TNRC6B: variants seen among roughly 807,000 people sequenced by gnomAD.
TNRC6B encodes trinucleotide repeat-containing gene 6B protein.
In TNRC6B, 52 loss-of-function variants were observed where a neutral mutation model predicts 203.6. That is an observed-to-expected ratio of 0.26 (90% CI 0.20 to 0.32). The LOEUF (loss-of-function observed/expected upper bound fraction) is 0.32. TNRC6B is among the 10% of genes least tolerant of loss of function. TNRC6B has a pLI of 1.00. For missense variants in TNRC6B, 1,923 were observed against 2,286.2 expected (o/e 0.84, Z 3.24); for synonymous variants, 838 against 845.7 (o/e 0.99, Z 0.16).
intron 1 of TNRC6B, among the ~76,000 whole-genome samples, chr22:40,217,511 G>A (rs925585528): frequency 1.3e-5 from 2 of 152,104 alleles, no homozygotes; most frequent in African/African-American, 4.8e-5. Context: ...TGTTGGGAAG[G>A]GACAAACAAT....
intron 1 of TNRC6B, among the ~76,000 whole-genome samples, chr22:40,214,787 C>T (rs1225153433): frequency 6.6e-6 from 1 of 152,178 alleles, no homozygotes; most frequent in African/African-American, 2.4e-5. Flanking sequence ...CTCTTGGCCT[C>T]AAGCGATCCT....
chr22:40,161,732 G>A (rs2068872877), intron 4 of TNRC6B, among the ~76,000 whole-genome samples: 1 of 152,188 alleles, frequency 6.6e-6, no homozygotes, highest in African/African-American at 2.4e-5. Context: ...AACACTTTAT[G>A]TGTATTGTTT....
At chr22:40,086,012 A>G (rs916368619) in intron 1 of TNRC6B, among the ~76,000 whole-genome samples, 20 of 152,066 alleles carry the variant, frequency 1.3e-4, no homozygotes, top group African/African-American at 3.6e-4. Flanking sequence ...CTGGTACCAC[A>G]GGTGCACACC....
In TNRC6B at chr22:40,244,465, CT is replaced by C. The variant is rs77260733; in HGVS notation, c.6-1537del. Among the ~76,000 whole-genome samples, 1,028 of 143,938 alleles carry C rather than the reference CT, an allele frequency of 7.1e-3. 5 individuals are homozygous for C. Among genetic ancestry groups the C allele is most frequent in the African/African-American group, 0.014 (535 of 39,488 alleles). 94.4% of individuals were successfully genotyped at this position (143,938 alleles called of 152,430 possible). On this transcript the variant is annotated intron_variant, in intron 1 of 22. Coordinates refer to ENST00000454349, the MANE Select transcript of TNRC6B (RefSeq NM_001162501.2). Reference sequence around the variant, plus strand: ...ATGTAGGTAAAAAAGTTTTTTAAGTCTTTTTTTTTTTTTCTATAAATAAGAC... The same window carrying C: ...ATGTAGGTAAAAAAGTTTTTTAAGTCTTTTTTTTTTTTCTATAAATAAGAC...
At chr22:40,145,687 C>A (rs180849458) in intron 3 of TNRC6B, among the ~76,000 whole-genome samples, 28 of 151,932 alleles carry the variant, frequency 1.8e-4, no homozygotes, top group Non-Finnish European at 3.2e-4. Context: ...ACTAAAAATA[C>A]AAAAATTAGC....
At position 40,329,605 on chromosome 22, in the gene TNRC6B, C is replaced by A. The variant is rs1280878199; in HGVS notation, c.*6364C>A. On this transcript the variant is annotated 3_prime_UTR_variant, in exon 23 of 23. Transcript: ENST00000454349. The stretch of plus-strand genomic sequence containing the variant: ...ACCCCATGCCTCTGAAGAAAGAGGC[C>A]ATGAACCTACGAGGTGGTAAAGGGG... The A allele has an allele frequency of 2.0e-5, 3 of 152,090 alleles. No homozygotes were observed. Among genetic ancestry groups the A allele is most frequent in the Non-Finnish European group, 4.4e-5 (3 of 68,046 alleles). 9.4% of individuals were successfully genotyped at this position (152,090 alleles called of 1,614,324 possible). A position where few individuals can be genotyped will look rare whatever the true frequency, so the allele number is the denominator to read the frequency against.
At chr22:40,127,860 G>C (rs6001782) in intron 3 of TNRC6B, among the ~76,000 whole-genome samples, 2,323 of 152,186 alleles carry the variant, frequency 0.015, 55 homozygotes, top group African/African-American at 0.053. Context: ...AGCAAAGCCA[G>C]ACCCTGCCTC....
chr22:40,243,670 C>T lies in TNRC6B; in HGVS notation c.6-2345C>T, dbSNP rs571547078. ...TGTGATCTTGGTTGACTACAACCTC[C>T]GCCTCCCAGGTTCAAGCGATTTTCC... On this transcript the variant is annotated intron_variant, in intron 1 of 22. Coordinates refer to ENST00000454349, the MANE Select transcript of TNRC6B (RefSeq NM_001162501.2). Among the ~76,000 whole-genome samples, 64 of 152,088 alleles carry T rather than the reference C, an allele frequency of 4.2e-4. No individual in the cohort carries two copies. In the South Asian group the frequency reaches 0.012, roughly 28 times the overall value.
chr22:40,146,907 A>G (rs2068700330), intron 3 of TNRC6B, among the ~76,000 whole-genome samples: 1 of 152,194 alleles, frequency 6.6e-6, no homozygotes, highest in Non-Finnish European at 1.5e-5. Context: ...CAAAGCCTCT[A>G]AGATTGGGTG....
chr22:40,295,444 A>G lies in TNRC6B; in HGVS notation c.3709-5011A>G, dbSNP rs936995944. Among the ~76,000 whole-genome samples, 5 of 150,850 alleles carry G rather than the reference A, an allele frequency of 3.3e-5. No individual in the cohort carries two copies. The Admixed American group carries it at 3.3e-4, about 10-fold the overall frequency. ...AGCTGAGGTCATGCCATTGCACTCC[A>G]GCCTGGGCAACAGAGTGAGACTCCA... On this transcript the variant is annotated intron_variant, in intron 12 of 22. Coordinates refer to ENST00000454349, the MANE Select transcript of TNRC6B (RefSeq NM_001162501.2).
chr22:40,192,644 C>T (rs1045687980), intron 1 of TNRC6B, among the ~76,000 whole-genome samples: 5 of 151,664 alleles, frequency 3.3e-5, no homozygotes, highest in African/African-American at 9.7e-5. Context: ...ACCAGATTTT[C>T]GAGCTCCTTC....
chr22:40,301,589 G>T (rs972174302), intron 15 of TNRC6B: 47 of 485,510 alleles, frequency 9.7e-5, no homozygotes, highest in African/African-American at 8.4e-4. Flanking sequence ...TTTTTTTTGT[G>T]TGTGTGTGTG....
chr22:40,293,190 C>CTTTTTTTTTTTTTTTTTTTTTTTTTTTT, intron 12 of TNRC6B, among the ~76,000 whole-genome samples: 1 of 79,452 alleles, frequency 1.3e-5, no homozygotes, highest in Non-Finnish European at 2.3e-5. Context: ...ATATCCTTTT[C>CTTTTTTTTTTTTTTTTTTTTTTTTTTTT]TTTTTTTTTT....
At chr22:40,151,699 C>T (rs185178279) in intron 3 of TNRC6B, among the ~76,000 whole-genome samples, 1 of 151,580 alleles carries the variant, frequency 6.6e-6, no homozygotes, top group Admixed American at 6.6e-5. Flanking sequence ...ATTAAAATAG[C>T]AGAAATTGTA....
intron 2 of TNRC6B, among the ~76,000 whole-genome samples, chr22:40,121,776 A>G (rs536541187): frequency 2.6e-5 from 4 of 152,352 alleles, no homozygotes; most frequent in African/African-American, 9.6e-5. Context: ...TTATGTGCCT[A>G]GTGTACGCAG....
At chr22:40,218,369 C>T (rs2069665327) in intron 1 of TNRC6B, among the ~76,000 whole-genome samples, 1 of 127,750 alleles carries the variant, frequency 7.8e-6, no homozygotes, top group Non-Finnish European at 1.6e-5. Flanking sequence ...CTCTGTCACT[C>T]AGGCTGGAGT....
chr22:40,318,453 G>A (rs958597292), intron 21 of TNRC6B, among the ~76,000 whole-genome samples: 13 of 152,146 alleles, frequency 8.5e-5, no homozygotes, highest in East Asian at 1.9e-4. Flanking sequence ...AGGCTGTGGC[G>A]GGAGAATGGC....
chr22:40,233,149 AAAG>A (rs2069899488), intron 1 of TNRC6B, among the ~76,000 whole-genome samples: 1 of 151,812 alleles, frequency 6.6e-6, no homozygotes, highest in South Asian at 2.1e-4. Context: ...TCTCAAAAAA[AAAG>A]AAAAAAAGAA....
chr22:40,105,393 C>T lies in TNRC6B; in HGVS notation c.-120-11662C>T, dbSNP rs571572470. Among the ~76,000 whole-genome samples the T allele has an allele frequency of 2.9e-4, 44 of 152,260 alleles. 1 individual carries two copies. The South Asian group carries it at 8.5e-3, about 29-fold the overall frequency. ...GAGGTTAAGAAATAGAACATTATAG[C>T]GGCCCAACAGCCCCTTCTTAGTGAC... On this transcript the variant is annotated intron_variant, in intron 1 of 23. Transcript: ENST00000301923.
Sources: gnomAD v4.1 joint callset for allele counts (sites outside exome capture counted in the v4.1 genomes callset) on GRCh38, gnomAD v4.1.1 for gene constraint, MANE v1.5 for transcripts, NCBI Gene and HGNC (gene_info 2026-07-23, HGNC 2026-07-21) for gene names.